Variants in PRKN observed in about 807,000 individuals in gnomAD.
PRKN encodes parkin RBR E3 ubiquitin protein ligase.
PRKN carries 56 observed loss-of-function variants against 59.5 expected under a neutral mutation model. The ratio of observed to expected loss-of-function variants is 0.94; its 90% CI spans 0.76 to 1.18. PRKN has a LOEUF of 1.18. Among genes scored for constraint, PRKN ranks in the 50% most tolerant of loss-of-function variants. PRKN has a pLI of 0.00. For synonymous variants in PRKN, 250 were observed against 222.1 expected (o/e 1.13, Z -1.12); for missense variants, 657 against 596.4 (o/e 1.10, Z -1.06).
chr6:161,493,105 G>A (rs1475983196), intron 9 of PRKN, among the ~76,000 whole-genome samples: 1 of 152,120 alleles, frequency 6.6e-6, no homozygotes, highest in Non-Finnish European at 1.5e-5. Flanking sequence ...TTATTGCAAG[G>A]TGACCTATCT....
chr6:162,706,586 T>C (rs1387675449), intron 1 of PRKN, among the ~76,000 whole-genome samples: 1 of 152,204 alleles, frequency 6.6e-6, no homozygotes, highest in Non-Finnish European at 1.5e-5. Flanking sequence ...CCTGGACTCA[T>C]ATCCTCACTC....
intron 8 of PRKN, among the ~76,000 whole-genome samples, chr6:161,565,559 C>G (rs1322157737): frequency 6.6e-6 from 1 of 152,110 alleles, no homozygotes; most frequent in Admixed American, 6.6e-5. Flanking sequence ...CTGGCATTTC[C>G]CCTGCTTGCA....
At chr6:161,993,265 G>T (rs2093636709) in intron 5 of PRKN, among the ~76,000 whole-genome samples, 1 of 152,064 alleles carries the variant, frequency 6.6e-6, no homozygotes, top group African/African-American at 2.4e-5. Flanking sequence ...ACGAATAGGA[G>T]ACATTACCAC....
rs1212248341 is a variant in PRKN, at chr6:161,484,826, A to G, written c.1083+64028T>C. On this transcript the variant is annotated intron_variant, in intron 9 of 11. Coordinates refer to ENST00000366898, the MANE Select transcript of PRKN (RefSeq NM_004562.3). This position sits in a 1 kb window ranked among gnomAD's most constrained non-coding sequence, Gnocchi z 4.9. ...GGGACAAAATCGCTGGCAACTGAGCACCACTGCTCTGACTCAAAGGTGTCT... is the reference window on the plus strand; with the variant it reads ...GGGACAAAATCGCTGGCAACTGAGCGCCACTGCTCTGACTCAAAGGTGTCT... Among the ~76,000 whole-genome samples the G allele has an allele frequency of 6.6e-6, 1 of 152,158 alleles. No homozygotes were observed. The highest frequency in any genetic ancestry group is 2.4e-5 in the African/African-American group (1 of 41,432).
chr6:162,290,560 T>C (rs1781386496), intron 2 of PRKN, among the ~76,000 whole-genome samples: 1 of 152,202 alleles, frequency 6.6e-6, no homozygotes, highest in Non-Finnish European at 1.5e-5. Flanking sequence ...TAATTTTTTA[T>C]CACCAAAAGT....
chr6:162,146,078 T>C (rs1335152324), intron 4 of PRKN, among the ~76,000 whole-genome samples: 1 of 152,194 alleles, frequency 6.6e-6, no homozygotes, highest in Non-Finnish European at 1.5e-5. Context: ...GTTGGGGTTT[T>C]TGTTTCAATT....
At chr6:161,715,731 T>C (rs9458342) in intron 7 of PRKN, among the ~76,000 whole-genome samples, 3,676 of 152,228 alleles carry the variant, frequency 0.024, 171 homozygotes, top group African/African-American at 0.085. Flanking sequence ...GGACGTTACA[T>C]AGCCAGCTGT....
intron 3 of PRKN, among the ~76,000 whole-genome samples, chr6:162,232,184 G>A (rs1051864880): frequency 6.6e-5 from 10 of 152,118 alleles, no homozygotes; most frequent in Admixed American, 2.6e-4. Flanking sequence ...TAGGGATTTG[G>A]CTAGCCTGAC....
At chr6:162,376,781 GGGAGGGGAGGA>G (rs1388905737) in intron 2 of PRKN, among the ~76,000 whole-genome samples, 1 of 97,686 alleles carries the variant, frequency 1.0e-5, no homozygotes, top group Non-Finnish European at 2.1e-5. Flanking sequence ...GAGGGGGAGG[GGGAGGGGAGGA>G]GGAGAGAGAG....
intron 10 of PRKN, among the ~76,000 whole-genome samples, chr6:161,366,981 CCTTT>C (rs1303197337): frequency 7.9e-6 from 1 of 126,940 alleles, no homozygotes; most frequent in African/African-American, 3.2e-5. Context: ...TTTTTTGTTT[CCTTT>C]TTTTTTTTTT....
intron 7 of PRKN, among the ~76,000 whole-genome samples, chr6:161,635,019 T>G (rs1409075123): frequency 6.6e-6 from 1 of 152,156 alleles, no homozygotes; most frequent in Non-Finnish European, 1.5e-5. Context: ...GTGAGGCCGA[T>G]GCTCCTTCCT....
chr6:162,138,631 C>T (rs1228297043), intron 4 of PRKN, among the ~76,000 whole-genome samples: 1 of 152,018 alleles, frequency 6.6e-6, no homozygotes, highest in Non-Finnish European at 1.5e-5. Flanking sequence ...GCTACTATTA[C>T]AAACATGCTC....
chr6:162,025,652 G>A (rs1192750383), intron 5 of PRKN, among the ~76,000 whole-genome samples: 2 of 120,796 alleles, frequency 1.7e-5, no homozygotes, highest in Non-Finnish European at 1.6e-5. Context: ...ACAGTGCCAC[G>A]ATCTCAGCTC....
At chr6:161,828,561 G>A (rs557017871) in intron 6 of PRKN, among the ~76,000 whole-genome samples, 5 of 152,176 alleles carry the variant, frequency 3.3e-5, no homozygotes, top group South Asian at 2.1e-4. Flanking sequence ...TCCCACAGGC[G>A]TCAGCTCTGC....
At chr6:162,652,920 T>A (rs1028631461) in intron 1 of PRKN, among the ~76,000 whole-genome samples, 10 of 152,178 alleles carry the variant, frequency 6.6e-5, no homozygotes, top group African/African-American at 1.9e-4. Context: ...CTTTTTCAAA[T>A]ACAAAAGATA....
At chr6:161,564,701 C>T (rs1683931660) in intron 8 of PRKN, among the ~76,000 whole-genome samples, 1 of 152,172 alleles carries the variant, frequency 6.6e-6, no homozygotes, top group South Asian at 2.1e-4. Flanking sequence ...ACTATTTCCC[C>T]TTCTGCTGTC....
chr6:162,622,012 C>A (rs1226076091), intron 1 of PRKN, among the ~76,000 whole-genome samples: 1 of 151,886 alleles, frequency 6.6e-6, no homozygotes, highest in African/African-American at 2.4e-5. Flanking sequence ...GGGGCTTCAC[C>A]ATGTTGGCCA....
At position 162,692,571 on chromosome 6, in the gene PRKN, C is replaced by T. The variant is rs1584059191; in HGVS notation, c.7+35091G>A. On this transcript the variant is annotated intron_variant, in intron 1 of 11. Coordinates refer to ENST00000366898, the MANE Select transcript of PRKN (RefSeq NM_004562.3). Reference sequence around the variant, plus strand: ...AGGTGTTCCACACCTACAAGACAGACCCCCCCCAACAAAATCCTTGACCAC... The same window carrying T: ...AGGTGTTCCACACCTACAAGACAGATCCCCCCCAACAAAATCCTTGACCAC... Among the ~76,000 whole-genome samples, 3 of 6,496 alleles carry T rather than the reference C, an allele frequency of 4.6e-4. No individual in the cohort carries two copies. The South Asian group carries it at 5.6e-3, about 12-fold the overall frequency. 4.3% of individuals were successfully genotyped at this position (6,496 alleles called of 152,430 possible). A position where few individuals can be genotyped will look rare whatever the true frequency, so the allele number is the denominator to read the frequency against.
At chr6:162,159,828 G>T (rs565650410) in intron 4 of PRKN, among the ~76,000 whole-genome samples, 1 of 152,324 alleles carries the variant, frequency 6.6e-6, no homozygotes, top group East Asian at 1.9e-4. Context: ...TTGGCAAAAT[G>T]TAAGTGTAAT....
Sources: allele counts gnomAD v4.1 joint callset (sites outside exome capture counted in the v4.1 genomes callset), GRCh38; gene constraint gnomAD v4.1.1; non-coding constraint Gnocchi (gnomAD v3.1); transcripts MANE v1.5; gene names NCBI Gene and HGNC (gene_info 2026-07-23, HGNC 2026-07-21).